DHX34: variants seen among roughly 807,000 people sequenced by gnomAD.
DHX34 encodes the protein probable ATP-dependent RNA helicase DHX34.
DHX34 carries 96 observed loss-of-function variants against 111.1 expected under a neutral mutation model. The observed-to-expected ratio is 0.86, with a 90% CI of 0.73 to 1.02. DHX34 has a LOEUF of 1.02. Ranked by LOEUF, DHX34 falls within the 50% of genes least tolerant of loss-of-function variation. DHX34 has a pLI of 0.00. For synonymous variants in DHX34, 688 were observed against 670.4 expected, an observed-to-expected ratio of 1.03 and a Z score of -0.41; for missense variants, 1,560 against 1,579.9, an observed-to-expected ratio of 0.99 and a Z score of 0.21.
chr19:47,374,369 G>A (rs1970067384), intron 9 of DHX34, among the ~76,000 whole-genome samples: 1 of 151,330 alleles, frequency 6.6e-6, no homozygotes. Flanking sequence ...CCCAGGAGGT[G>A]GAGGTTGTGG....
rs1970167919 is a variant in DHX34, at chr19:47,376,545, T to TGCGACGGAAG, written c.2585_2594dup (p.Ser865ArgfsTer47). On this transcript the variant is annotated frameshift_variant, in exon 12 of 17. Transcript: ENST00000328771. LOFTEE classifies it high-confidence loss of function. ...CGCACAGGAGCTGGAGGCCAGCAAC[T>TGCGACGGAAG]GCGACGGAAGCCGAGGTACAGTGAG... The TGCGACGGAAG allele has an allele frequency of 2.6e-6, 4 of 1,566,466 alleles. No individual in the cohort carries two copies. Among genetic ancestry groups the TGCGACGGAAG allele is most frequent in the Non-Finnish European group, 2.6e-6 (3 of 1,156,314 alleles).
chr19:47,358,204 AAC>A (rs1969520013), intron 4 of DHX34, 84 bp downstream of exon 4: 5 of 1,519,072 alleles, frequency 3.3e-6, no homozygotes, highest in Non-Finnish European at 2.7e-6. Flanking sequence ...TAACTCCACA[AAC>A]ACAGGGCTCG....
chr19:47,381,042 C>T, intron 15 of DHX34, 50 bp downstream of exon 15: 2 of 1,542,898 alleles, frequency 1.3e-6, no homozygotes, highest in South Asian at 2.5e-5. Flanking sequence ...GAAGACCCCA[C>T]CACCCCGTTT....
rs758787527 is a variant in DHX34, at chr19:47,353,163, C to T, written c.133C>T (p.Arg45Cys). The T allele has an allele frequency of 2.9e-5, 46 of 1,613,966 alleles. No individual in the cohort carries two copies. The highest frequency in any genetic ancestry group is 1.6e-4 in the Middle Eastern group (1 of 6,084). Residue 45 changes from arginine (R) to cysteine (C), a missense_variant, in exon 2 of 17, where the codon CGT (arginine) becomes TGT (cysteine). By Grantham distance (180) the Arg-to-Cys change is radical. Coordinates refer to ENST00000328771, the MANE Select transcript of DHX34 (RefSeq NM_014681.6). This position sits in a 1 kb window ranked among gnomAD's most constrained non-coding sequence, Gnocchi z 4.6. ...TRRLLEDAFF[R>C]EEDYIRQGSE... ...TCGCCTCTTGGAAGATGCCTTCTTC[C>T]GTGAAGAGGATTACATCCGTCAGGG...
intron 4 of DHX34, 130 bp downstream of exon 4, chr19:47,358,250 GT>G: frequency 7.0e-7 from 1 of 1,437,934 alleles, no homozygotes; most frequent in South Asian, 1.5e-5. Context: ...TAGCCACCTA[GT>G]GGCAGAGCCA....
At chr19:47,356,627 CAAA>C (rs529660294) in intron 3 of DHX34, among the ~76,000 whole-genome samples, 1 of 94,486 alleles carries the variant, frequency 1.1e-5, no homozygotes, top group Non-Finnish European at 2.2e-5. Context: ...GATCCCATCT[CAAA>C]AAAAAAAAAA....
At chr19:47,362,212 G>C in intron 5 of DHX34, 1 of 369,154 alleles carries the variant, frequency 2.7e-6, no homozygotes, top group Non-Finnish European at 3.7e-6. Flanking sequence ...TGAGACTGCA[G>C]TGAGCTCTGA....
In DHX34 at chr19:47,376,908, G is replaced by A. The variant is rs1164601083; in HGVS notation, c.2600-192G>A. ...ACCCGTGTGCATGGAAGGGTGTCTC[G>A]CTGCAGGCATGGCTGCGTGCTGGGA... is the stretch of plus-strand genomic sequence containing the variant. On this transcript the variant is annotated intron_variant, in intron 12 of 16. Coordinates refer to ENST00000328771, the MANE Select transcript of DHX34 (RefSeq NM_014681.6). The A allele has an allele frequency of 2.8e-5, 43 of 1,535,286 alleles. No homozygotes were observed. The East Asian group carries it at 6.4e-4, about 23-fold the overall frequency.
rs550371648 is a variant in DHX34, at chr19:47,362,616, G to C, written c.1516G>C (p.Glu506Gln). 2 of 1,613,914 alleles carry C rather than the reference G, an allele frequency of 1.2e-6. No individual in the cohort carries two copies. Among genetic ancestry groups the C allele is most frequent in the South Asian group, 1.1e-5 (1 of 91,080 alleles). The change falls in exon 6 of 17, where the codon GAA becomes CAA. Residue 506 changes from glutamate to glutamine, a missense_variant. Coordinates refer to ENST00000328771, the MANE Select transcript of DHX34 (RefSeq NM_014681.6). Reference sequence around the variant, plus strand: ...CGGAGTCTGCTTCCGCCTCTATGCCGAATCGGACTATGATGCCTTCGCCCC... The same window carrying C: ...CGGAGTCTGCTTCCGCCTCTATGCCCAATCGGACTATGATGCCTTCGCCCC... ...GPGVCFRLYAESDYDAFAPYP... is the reference protein window; with the variant it reads ...GPGVCFRLYAQSDYDAFAPYP...
intron 9 of DHX34, chr19:47,375,224 G>A (rs1298162472): frequency 4.2e-6 from 4 of 946,702 alleles, no homozygotes; most frequent in African/African-American, 1.8e-5. Flanking sequence ...AGCCAGCTGT[G>A]GGAAAAGGCA....
chr19:47,352,686 A>G, intron 1 of DHX34, 68 bp from the exon 2 acceptor site: 1 of 240,790 alleles, frequency 4.2e-6, no homozygotes, highest in Non-Finnish European at 8.1e-6. Flanking sequence ...AAAAGAAAAA[A>G]ACAAAACAAA....
rs1309404076 is a variant in DHX34, at chr19:47,353,294, C to G, written c.264C>G (p.His88Gln). 1 of 1,614,190 alleles carries G rather than the reference C, an allele frequency of 6.2e-7. No individual in the cohort carries two copies. The highest frequency in any genetic ancestry group is 8.5e-7 in the Non-Finnish European group (1 of 1,180,014). ...KEEKDPGQPK[H>Q]SIPALADLPR... ...AGAAAGACCCTGGACAGCCCAAGCA[C>G]AGCATCCCAGCGCTGGCCGACCTAC... The change falls in exon 2 of 17, where the codon CAC becomes CAG. Residue 88 changes from histidine to glutamine, a missense_variant. Physicochemically the swap from His to Gln is conservative, Grantham distance 24 (BLOSUM62 0). Coordinates refer to ENST00000328771, the MANE Select transcript of DHX34 (RefSeq NM_014681.6). This position sits in a 1 kb window ranked among gnomAD's most constrained non-coding sequence, Gnocchi z 4.6.
At chr19:47,376,639 G>C (rs1367404087) in intron 12 of DHX34, 79 bp downstream of exon 12, 1 of 1,510,178 alleles carries the variant, frequency 6.6e-7, no homozygotes, top group Non-Finnish European at 8.9e-7. Flanking sequence ...GGCCCCTCTG[G>C]CTGGGGCTCC....
At chr19:47,375,302 GCT>G in intron 9 of DHX34, 162 bp from the exon 10 acceptor site, 1 of 985,460 alleles carries the variant, frequency 1.0e-6, no homozygotes, top group Middle Eastern at 5.2e-4. Context: ...AGCGAGGACA[GCT>G]CTCTCTCTGG....
intron 6 of DHX34, among the ~76,000 whole-genome samples, chr19:47,365,852 CT>C (rs936124505): frequency 6.6e-6 from 1 of 152,192 alleles, no homozygotes; most frequent in Non-Finnish European, 1.5e-5. Context: ...TACTGCCTGC[CT>C]GGACTGCTGC....
chr19:47,349,794 T>C (rs964469402), intron 1 of DHX34, among the ~76,000 whole-genome samples: 2 of 151,554 alleles, frequency 1.3e-5, no homozygotes, highest in African/African-American at 4.9e-5. Flanking sequence ...AAATGGAATT[T>C]AGATGGAGAA....
intron 13 of DHX34, among the ~76,000 whole-genome samples, chr19:47,378,093 C>T (rs1012034521): frequency 2.0e-5 from 3 of 152,164 alleles, no homozygotes; most frequent in Non-Finnish European, 4.4e-5. Context: ...ACACTGCCCC[C>T]TCCTGCCTCC....
In DHX34 at chr19:47,353,171, G is replaced by A; in HGVS notation, c.141G>A (p.Glu47=). 6.2e-7 allele frequency: 1 copy of A among 1,614,158 alleles called. No individual in the cohort carries two copies. Among genetic ancestry groups the A allele is most frequent in the Non-Finnish European group, 8.5e-7 (1 of 1,180,026 alleles). The change falls in exon 2 of 17, where the codon GAG becomes GAA. Residue 47 remains glutamate, a synonymous_variant. Transcript: ENST00000328771. The surrounding 1 kb of genome is among the most constrained non-coding windows in gnomAD (Gnocchi z 4.6). The part of the protein sequence containing the change: ...RLLEDAFFRE[E]DYIRQGSEEC... ...TGGAAGATGCCTTCTTCCGTGAAGAGGATTACATCCGTCAGGGTTCTGAGG... is the reference window on the plus strand; with the variant it reads ...TGGAAGATGCCTTCTTCCGTGAAGAAGATTACATCCGTCAGGGTTCTGAGG...
At chr19:47,370,168 C>G (rs1450328108) in intron 7 of DHX34, among the ~76,000 whole-genome samples, 1 of 152,138 alleles carries the variant, frequency 6.6e-6, no homozygotes, top group Non-Finnish European at 1.5e-5. Flanking sequence ...ACGCAAAGTG[C>G]CCTGGTTGTG....
Sources: allele counts gnomAD v4.1 joint callset (sites outside exome capture counted in the v4.1 genomes callset), GRCh38; gene constraint gnomAD v4.1.1; non-coding constraint Gnocchi (gnomAD v3.1); transcripts MANE v1.5; gene names NCBI Gene and HGNC (gene_info 2026-07-23, HGNC 2026-07-21).